Variants in HNRNPUL1 observed in about 807,000 individuals in gnomAD.
HNRNPUL1 encodes heterogeneous nuclear ribonucleoprotein U-like protein 1.
HNRNPUL1 carries 14 observed loss-of-function variants against 108.5 expected under a neutral mutation model. The ratio of observed to expected loss-of-function variants is 0.13; its 90% CI spans 0.09 to 0.20. The LOEUF (loss-of-function observed/expected upper bound fraction) is 0.20. Ranked by LOEUF, HNRNPUL1 falls within the 10% of genes least tolerant of loss-of-function variation. The pLI, the probability that HNRNPUL1 is intolerant of heterozygous loss-of-function variation, is 1.00. For missense variants in HNRNPUL1, 804 were observed against 1,168.3 expected, an observed-to-expected ratio of 0.69 and a Z score of 4.55; for synonymous variants, 422 against 445.2, an observed-to-expected ratio of 0.95 and a Z score of 0.66.
intron 8 of HNRNPUL1, among the ~76,000 whole-genome samples, chr19:41,293,598 T>C (rs2036716073): frequency 6.6e-6 from 1 of 152,218 alleles, no homozygotes; most frequent in African/African-American, 2.4e-5. Context: ...TCTGTTCCTA[T>C]TTCATACTTA....
chr19:41,279,018 G>T, intron 5 of HNRNPUL1, 59 bp from the exon 6 acceptor site: 2 of 1,174,732 alleles, frequency 1.7e-6, no homozygotes. Flanking sequence ...TCCTATATTG[G>T]CTCATAACCT....
At chr19:41,284,888 CG>C (rs2036126091) in intron 7 of HNRNPUL1, among the ~76,000 whole-genome samples, 1 of 150,400 alleles carries the variant, frequency 6.6e-6, no homozygotes, top group Admixed American at 6.7e-5. Flanking sequence ...CCCAGCTACT[CG>C]GGAGGCTGAG....
At position 41,292,599 on chromosome 19, in the gene HNRNPUL1, G is replaced by C. The variant is rs2036654403; in HGVS notation, c.1266+88G>C. ...ACACACACACACAGACTTGCTGCGA[G>C]AGTAGCCTTGGGGCAAGTGGCCACT... On this transcript the variant is annotated intron_variant, in intron 8 of 14. Coordinates refer to ENST00000392006, the MANE Select transcript of HNRNPUL1 (RefSeq NM_007040.6). The surrounding 1 kb of genome is among the most constrained non-coding windows in gnomAD (Gnocchi z 4.1). 2 of 1,514,912 alleles carry C rather than the reference G, an allele frequency of 1.3e-6. No individual in the cohort carries two copies. Among genetic ancestry groups the C allele is most frequent in the Non-Finnish European group, 1.8e-6 (2 of 1,103,502 alleles). 93.8% of individuals were successfully genotyped at this position (1,514,912 alleles called of 1,614,324 possible).
At chr19:41,283,575 C>T (rs2122683514) in intron 7 of HNRNPUL1, among the ~76,000 whole-genome samples, 1 of 152,310 alleles carries the variant, frequency 6.6e-6, no homozygotes, top group South Asian at 2.1e-4. Flanking sequence ...CCTGCCTCAG[C>T]CTCCTGAGTA....
chr19:41,264,288 G>T (rs896134627), upstream of HNRNPUL1: 3 of 408,778 alleles, frequency 7.3e-6, no homozygotes, highest in African/African-American at 4.1e-5. Context: ...CCGGGCCCGC[G>T]CCCGTTGCCC....
chr19:41,271,185 C>G (rs531042137), intron 2 of HNRNPUL1, among the ~76,000 whole-genome samples: 2 of 152,154 alleles, frequency 1.3e-5, no homozygotes, highest in Non-Finnish European at 2.9e-5. Flanking sequence ...AGTTAAATCC[C>G]CAGACATTTC....
chr19:41,269,023 A>T (rs887359157), intron 2 of HNRNPUL1, among the ~76,000 whole-genome samples: 12 of 152,124 alleles, frequency 7.9e-5, no homozygotes, highest in African/African-American at 2.9e-4. Context: ...AGGGGATATT[A>T]TTAGGGGATT....
chr19:41,289,811 C>G (rs1479688842), intron 7 of HNRNPUL1, among the ~76,000 whole-genome samples: 2 of 146,538 alleles, frequency 1.4e-5, no homozygotes, highest in Non-Finnish European at 3.0e-5. Flanking sequence ...CTCCCTAGTT[C>G]AAGTGATTCT....
intron 6 of HNRNPUL1, chr19:41,280,911 TC>T (rs1250971739): frequency 1.0e-5 from 4 of 391,408 alleles, no homozygotes; most frequent in Non-Finnish European, 1.9e-5. Context: ...TTTCAAATTC[TC>T]CCCTCTGTGC....
At chr19:41,297,268 T>G (rs955278563) in intron 10 of HNRNPUL1, among the ~76,000 whole-genome samples, 2 of 152,158 alleles carry the variant, frequency 1.3e-5, no homozygotes, top group Non-Finnish European at 2.9e-5. Flanking sequence ...TAGTCTAGAA[T>G]GGTTGGGGCC....
intron 5 of HNRNPUL1, chr19:41,276,707 G>A (rs1309616998): frequency 6.1e-6 from 1 of 163,420 alleles, no homozygotes; most frequent in Non-Finnish European, 1.3e-5. Context: ...AGCCTCTGCT[G>A]TCATCTCTCC....
chr19:41,276,404 G>A lies in HNRNPUL1; in HGVS notation c.786+106G>A. On this transcript the variant is annotated intron_variant, in intron 5 of 14. Transcript: ENST00000392006. ...CTGCAACTGCAAAAGAGATTGGATT[G>A]TGCAATACCATGTCCAAGCAGACAA... The A allele has an allele frequency of 2.4e-6, 3 of 1,234,490 alleles. No homozygotes were observed. In the South Asian group the frequency reaches 4.7e-5, roughly 19 times the overall value. The allele number at this position is 1,234,490 out of a possible 1,614,324, so 76.5% of individuals were successfully genotyped here. A position where few individuals can be genotyped will look rare whatever the true frequency, so the allele number is the denominator to read the frequency against.
chr19:41,295,433 A>G (rs965376656), intron 10 of HNRNPUL1, among the ~76,000 whole-genome samples: 2 of 152,244 alleles, frequency 1.3e-5, no homozygotes, highest in East Asian at 3.8e-4. Flanking sequence ...CAAAAGGATG[A>G]GTGACCCAAA....
chr19:41,306,283 G>A (rs570831283), intron 14 of HNRNPUL1, among the ~76,000 whole-genome samples, 166 bp from the exon 15 acceptor site: 1 of 152,344 alleles, frequency 6.6e-6, no homozygotes, highest in East Asian at 1.9e-4. Context: ...CTGCCTACCT[G>A]TGTGGTGTCA....
intron 2 of HNRNPUL1, among the ~76,000 whole-genome samples, chr19:41,271,817 T>C (rs2035258192): frequency 6.6e-6 from 1 of 152,170 alleles, no homozygotes; most frequent in Admixed American, 6.5e-5. Flanking sequence ...GAAGAAGCTT[T>C]GTAAGAACTA....
chr19:41,273,541 C>A (rs2035368316), intron 3 of HNRNPUL1, among the ~76,000 whole-genome samples: 1 of 152,132 alleles, frequency 6.6e-6, no homozygotes, highest in South Asian at 2.1e-4. Flanking sequence ...TTTTAAGAAG[C>A]CTGGTACATG....
At chr19:41,265,330 G>GA in intron 1 of HNRNPUL1, 1 of 1,018,040 alleles carries the variant, frequency 9.8e-7, no homozygotes, top group Non-Finnish European at 1.4e-6. Flanking sequence ...GATCCTGGGC[G>GA]TTCTCCTATT....
Position 41,294,713 on chromosome 19 carries a change from C to T in HNRNPUL1, c.1518+27C>T. ...TACTTAATGATGACCATTGTGTCCT[C>T]AGGAGAAGGGAGGGGACCCCTTGCA... On this transcript the variant is annotated intron_variant, in intron 10 of 14. Coordinates refer to ENST00000392006, the MANE Select transcript of HNRNPUL1 (RefSeq NM_007040.6). The surrounding 1 kb of genome is among the most constrained non-coding windows in gnomAD (Gnocchi z 4.3). The T allele has an allele frequency of 6.2e-7, 1 of 1,613,384 alleles. No homozygotes were observed. Among genetic ancestry groups the T allele is most frequent in the Admixed American group, 1.7e-5 (1 of 60,018 alleles).
intron 1 of HNRNPUL1, chr19:41,265,310 C>T: frequency 1.5e-6 from 2 of 1,362,500 alleles, no homozygotes; most frequent in Non-Finnish European, 1.9e-6. Context: ...TGGAATATGC[C>T]GCTGGATGCG....
Sources: allele counts gnomAD v4.1 joint callset (sites outside exome capture counted in the v4.1 genomes callset), GRCh38; gene constraint gnomAD v4.1.1; non-coding constraint Gnocchi (gnomAD v3.1); transcripts MANE v1.5; gene names NCBI Gene and HGNC (gene_info 2026-07-23, HGNC 2026-07-21).